Variants in TRABD2B observed in about 807,000 individuals in gnomAD.
TRABD2B encodes metalloprotease TIKI2.
Under a neutral mutation model 40.1 loss-of-function variants are expected in TRABD2B, and 14 were observed. That is an observed-to-expected ratio of 0.35 (90% CI 0.23 to 0.55). The LOEUF (loss-of-function observed/expected upper bound fraction) is 0.55. TRABD2B is among the 20% of genes least tolerant of loss of function. The pLI is 0.90. For synonymous variants in TRABD2B, 263 were observed against 277.0 expected (o/e 0.95, Z 0.50); for missense variants, 541 against 648.6 (o/e 0.83, Z 1.80).
At chr1:47,796,553 C>T (rs184788740) in intron 3 of TRABD2B, among the ~76,000 whole-genome samples, 210 of 152,318 alleles carry the variant, frequency 1.4e-3, no homozygotes, top group Non-Finnish European at 2.5e-3. Context: ...AGGATATTTG[C>T]CTCTGCTATC....
chr1:47,814,224 G>C (rs1645001255), intron 2 of TRABD2B, among the ~76,000 whole-genome samples: 1 of 152,244 alleles, frequency 6.6e-6, no homozygotes, highest in Non-Finnish European at 1.5e-5. Context: ...AGTGCAGCCT[G>C]TGGCTGGTGG....
chr1:47,799,692 T>C (rs1402365810), intron 3 of TRABD2B, among the ~76,000 whole-genome samples: 1 of 152,124 alleles, frequency 6.6e-6, no homozygotes, highest in Non-Finnish European at 1.5e-5. Context: ...GGCTATACTC[T>C]CAGCACCCCT....
chr1:47,874,678 C>T (rs1010385224), intron 2 of TRABD2B, among the ~76,000 whole-genome samples: 4 of 151,698 alleles, frequency 2.6e-5, no homozygotes, highest in African/African-American at 9.7e-5. Flanking sequence ...AGGGATCCTC[C>T]CACCTCAGCC....
chr1:47,887,526 A>C (rs914494600), intron 2 of TRABD2B, among the ~76,000 whole-genome samples: 9 of 149,822 alleles, frequency 6.0e-5, no homozygotes, highest in South Asian at 2.1e-4. Flanking sequence ...ACTTGTTAAA[A>C]CATTTTCAGG....
At chr1:47,940,407 T>C (rs1375924642) in intron 2 of TRABD2B, among the ~76,000 whole-genome samples, 1 of 152,194 alleles carries the variant, frequency 6.6e-6, no homozygotes, top group Non-Finnish European at 1.5e-5. Flanking sequence ...TGGGGTGTAC[T>C]ATGGACAGGG....
intron 2 of TRABD2B, among the ~76,000 whole-genome samples, chr1:47,954,908 TC>T (rs973817502): frequency 1.3e-5 from 2 of 152,130 alleles, no homozygotes; most frequent in African/African-American, 4.8e-5. Context: ...GCTCCATCCC[TC>T]CAAGCCTGTG....
At chr1:47,845,180 C>G (rs1036509403) in intron 2 of TRABD2B, among the ~76,000 whole-genome samples, 3 of 152,170 alleles carry the variant, frequency 2.0e-5, no homozygotes, top group African/African-American at 7.2e-5. Context: ...AAAAGCTCAC[C>G]TTCCCACCCC....
chr1:47,920,870 T>C (rs115817431), intron 2 of TRABD2B, among the ~76,000 whole-genome samples: 10 of 152,254 alleles, frequency 6.6e-5, no homozygotes, highest in African/African-American at 1.9e-4. Context: ...ACTTTATGAA[T>C]GGCCTGGCAA....
At chr1:47,778,926 C>A (rs576476609) in intron 4 of TRABD2B, among the ~76,000 whole-genome samples, 2 of 152,212 alleles carry the variant, frequency 1.3e-5, no homozygotes, top group African/African-American at 4.8e-5. Flanking sequence ...CTGACCCCAG[C>A]CCCCCACAGT....
At chr1:47,898,871 G>C (rs1644560098) in intron 2 of TRABD2B, among the ~76,000 whole-genome samples, 1 of 152,096 alleles carries the variant, frequency 6.6e-6, no homozygotes, top group African/African-American at 2.4e-5. Flanking sequence ...TTTTGGAAGA[G>C]AGACTGGAGA....
In TRABD2B at chr1:47,997,146, C is replaced by T; in HGVS notation, c.-357G>A. The T allele has an allele frequency of 2.0e-6, 2 of 983,806 alleles. No homozygotes were observed. The highest frequency in any genetic ancestry group is 9.4e-5 in the South Asian group (2 of 21,206). 60.9% of individuals were successfully genotyped at this position (983,806 alleles called of 1,614,324 possible). On this transcript the variant is annotated 5_prime_UTR_variant, in exon 1 of 7. Transcript: ENST00000606738. Reference sequence around the variant, plus strand: ...GGTTCCTGGGGCAGAACCGAGAACCCGGGGTGCGCAAGGGTCCCGGGGTTA... The same window carrying T: ...GGTTCCTGGGGCAGAACCGAGAACCTGGGGTGCGCAAGGGTCCCGGGGTTA...
chr1:47,960,383 A>G (rs1212131315), intron 2 of TRABD2B, among the ~76,000 whole-genome samples: 1 of 152,188 alleles, frequency 6.6e-6, no homozygotes, highest in Non-Finnish European at 1.5e-5. Flanking sequence ...GGCAGGAGAA[A>G]GAAATGAAGG....
At chr1:47,990,237 A>G (rs1284361934) in intron 2 of TRABD2B, among the ~76,000 whole-genome samples, 1 of 152,218 alleles carries the variant, frequency 6.6e-6, no homozygotes, top group African/African-American at 2.4e-5. Context: ...TATACCTCAC[A>G]GAACCATGTA....
chr1:47,785,087 G>A (rs1179559188), intron 4 of TRABD2B, among the ~76,000 whole-genome samples: 1 of 152,194 alleles, frequency 6.6e-6, no homozygotes, highest in African/African-American at 2.4e-5. Context: ...GCACGGAGGG[G>A]AGAGGTGGTG....
intron 2 of TRABD2B, among the ~76,000 whole-genome samples, chr1:47,865,627 T>C (rs1284408710): frequency 1.3e-5 from 2 of 152,180 alleles, no homozygotes; most frequent in African/African-American, 2.4e-5. Flanking sequence ...CTGGATTCTC[T>C]GCCCAGCTCC....
chr1:47,844,809 C>T (rs1418239482), intron 2 of TRABD2B, among the ~76,000 whole-genome samples: 2 of 152,160 alleles, frequency 1.3e-5, no homozygotes, highest in Non-Finnish European at 2.9e-5. Context: ...TGGGTAAATT[C>T]TTCAACTGGA....
At chr1:47,769,893 C>A (rs766072952) in intron 6 of TRABD2B, among the ~76,000 whole-genome samples, 16 of 152,186 alleles carry the variant, frequency 1.1e-4, no homozygotes, top group Non-Finnish European at 1.9e-4. Context: ...AGGAACAGAC[C>A]CGTGGACTTT....
chr1:47,946,007 C>A (rs1645255213), intron 2 of TRABD2B, among the ~76,000 whole-genome samples: 1 of 152,176 alleles, frequency 6.6e-6, no homozygotes, highest in Non-Finnish European at 1.5e-5. Flanking sequence ...GCATTCCCAG[C>A]CACAATGTAC....
chr1:47,779,125 T>C (rs977655944), intron 4 of TRABD2B, among the ~76,000 whole-genome samples: 2 of 152,170 alleles, frequency 1.3e-5, no homozygotes, highest in Non-Finnish European at 2.9e-5. Context: ...AGAGATGGCA[T>C]CTCCACTGCC....
Sources: gnomAD v4.1 joint callset for allele counts (sites outside exome capture counted in the v4.1 genomes callset) on GRCh38, gnomAD v4.1.1 for gene constraint, MANE v1.5 for transcripts, NCBI Gene and HGNC (gene_info 2026-07-23, HGNC 2026-07-21) for gene names.